Variants in KHDC1 observed in about 807,000 individuals in gnomAD.
KHDC1 encodes the protein KH homology domain-containing protein 1.
A neutral mutation model predicts 24.7 loss-of-function variants in KHDC1; 21 were observed. The observed-to-expected ratio is 0.85, with a 90% CI of 0.60 to 1.23. KHDC1 has a LOEUF of 1.23. Among genes scored for constraint, KHDC1 ranks in the 50% most tolerant of loss-of-function variants. The pLI, the probability that KHDC1 is intolerant of heterozygous loss-of-function variation, is 0.00. For missense variants in KHDC1, 274 were observed against 298.5 expected, an observed-to-expected ratio of 0.92 and a Z score of 0.61; for synonymous variants, 98 against 111.7, an observed-to-expected ratio of 0.88 and a Z score of 0.77.
At chr6:73,249,042 ATCT>A (rs1286860958) in intron 2 of KHDC1, among the ~76,000 whole-genome samples, 1 of 152,174 alleles carries the variant, frequency 6.6e-6, no homozygotes, top group African/African-American at 2.4e-5. Context: ...GAGAAAGCTA[ATCT>A]TCTAGTTAGC....
At chr6:73,291,009 G>A (rs531399261) in intron 2 of KHDC1, 11 of 380,592 alleles carry the variant, frequency 2.9e-5, no homozygotes, top group African/African-American at 2.3e-4. Context: ...CTTCTATAGA[G>A]ATCCTGAAGA....
chr6:73,247,714 G>A lies in KHDC1; in HGVS notation c.207-5184C>T, dbSNP rs562871542. On this transcript the variant is annotated intron_variant, in intron 2 of 4. Coordinates refer to ENST00000370384, the Ensembl canonical transcript of KHDC1. Reference sequence around the variant, plus strand: ...TCTACTAAAAATACAAAAATTAGCCGGGCATAGTGGCACGCATCTGTAATC... The same window carrying A: ...TCTACTAAAAATACAAAAATTAGCCAGGCATAGTGGCACGCATCTGTAATC... Among the ~76,000 whole-genome samples, 8 of 152,094 alleles carry A rather than the reference G, an allele frequency of 5.3e-5. No individual in the cohort carries two copies. The South Asian group carries it at 6.2e-4, about 12-fold the overall frequency.
intron 2 of KHDC1, among the ~76,000 whole-genome samples, chr6:73,280,556 T>C (rs1330144393): frequency 6.6e-6 from 1 of 151,068 alleles, no homozygotes; most frequent in Non-Finnish European, 1.5e-5. Flanking sequence ...TTTTCACTCT[T>C]GTTGCCCAGG....
At chr6:73,306,394 C>A (rs558966362) in intron 1 of KHDC1, among the ~76,000 whole-genome samples, 1 of 152,274 alleles carries the variant, frequency 6.6e-6, no homozygotes, top group African/African-American at 2.4e-5. Context: ...CCCATCCCAA[C>A]AAAAATTACC....
chr6:73,263,061 G>GGCGGCA (rs1767012858), intron 2 of KHDC1: 1 of 123,566 alleles, frequency 8.1e-6, no homozygotes, highest in Non-Finnish European at 1.1e-5. Context: ...CGGCGGCGGC[G>GGCGGCA]GCGGCGGCAG....
intron 2 of KHDC1, among the ~76,000 whole-genome samples, chr6:73,262,283 G>C (rs1341882749): frequency 6.6e-6 from 1 of 152,208 alleles, no homozygotes; most frequent in Non-Finnish European, 1.5e-5. Context: ...GCTTAAAAGT[G>C]TCTGGTGCAT....
At chr6:73,252,040 C>CTTTT (rs112248383) in intron 2 of KHDC1, among the ~76,000 whole-genome samples, 4 of 132,738 alleles carry the variant, frequency 3.0e-5, no homozygotes, top group African/African-American at 8.3e-5. Context: ...TAAATCATAT[C>CTTTT]TTTTTTTTTT....
At chr6:73,295,928 G>A (rs1164693747) in intron 1 of KHDC1, among the ~76,000 whole-genome samples, 2 of 151,272 alleles carry the variant, frequency 1.3e-5, no homozygotes, top group Admixed American at 6.6e-5. Context: ...GATCACCTGA[G>A]GTCAGGAGTT....
intron 2 of KHDC1, among the ~76,000 whole-genome samples, chr6:73,272,301 A>G (rs1275739346): frequency 2.0e-5 from 3 of 151,662 alleles, no homozygotes; most frequent in Non-Finnish European, 4.4e-5. Context: ...AGCTGGGACT[A>G]CAGGCACCTG....
At chr6:73,261,651 C>G (rs939984849) in intron 2 of KHDC1, among the ~76,000 whole-genome samples, 1 of 151,562 alleles carries the variant, frequency 6.6e-6, no homozygotes. Flanking sequence ...TGGTGGCTCA[C>G]GCCTGTAATC....
intron 1 of KHDC1, chr6:73,292,550 GATA>G (rs1767676409): frequency 3.9e-6 from 3 of 768,142 alleles, no homozygotes. Flanking sequence ...AGAGACCATA[GATA>G]ATAATTCTGT....
intron 2 of KHDC1, among the ~76,000 whole-genome samples, chr6:73,250,710 A>C (rs1766763763): frequency 6.6e-6 from 1 of 152,170 alleles, no homozygotes; most frequent in Admixed American, 6.5e-5. Context: ...GCAGTGTTCC[A>C]CTCTCCAAGG....
At chr6:73,289,752 G>A (rs1347161295) in intron 2 of KHDC1, among the ~76,000 whole-genome samples, 1 of 152,136 alleles carries the variant, frequency 6.6e-6, no homozygotes, top group Admixed American at 6.6e-5. Context: ...ACAAGGTCAA[G>A]AGGGAAACCA....
At chr6:73,292,067 G>C in intron 1 of KHDC1, 1 of 1,613,742 alleles carries the variant, frequency 6.2e-7, no homozygotes, top group Non-Finnish European at 8.5e-7. Flanking sequence ...TAAAGAAAAG[G>C]AATTATTACA....
intron 2 of KHDC1, among the ~76,000 whole-genome samples, chr6:73,279,575 ATTTTTTTTTTT>A (rs560281126): frequency 2.0e-5 from 2 of 98,312 alleles, no homozygotes; most frequent in Non-Finnish European, 4.0e-5. Flanking sequence ...GGGACCATGG[ATTTTTTTTTTT>A]TTTTTTTTTT....
chr6:73,256,282 A>G (rs1729974220), intron 2 of KHDC1, among the ~76,000 whole-genome samples: 1 of 152,200 alleles, frequency 6.6e-6, no homozygotes, highest in Admixed American at 6.5e-5. Flanking sequence ...GCATTATAAC[A>G]TTGAACAATT....
rs528261462 is a variant in KHDC1, at chr6:73,257,410, TG to T, written c.207-14881del. On this transcript the variant is annotated intron_variant, in intron 2 of 4. Transcript: ENST00000370384. Reference sequence around the variant, plus strand: ...TCATGGTTGGGAATTTTTGTTTGTTTGTTTATTTGTTTTGAGACGAAGTCTC... The same window carrying T: ...TCATGGTTGGGAATTTTTGTTTGTTTTTTATTTGTTTTGAGACGAAGTCTC... Among the ~76,000 whole-genome samples the T allele has an allele frequency of 9.1e-4, 139 of 152,316 alleles. 2 individuals carry two copies. The highest frequency in any genetic ancestry group is 6.1e-3 in the Admixed American group (93 of 15,296).
At chr6:73,254,871 A>G (rs1036758549) in intron 2 of KHDC1, among the ~76,000 whole-genome samples, 2 of 151,738 alleles carry the variant, frequency 1.3e-5, no homozygotes, top group African/African-American at 4.8e-5. Context: ...GTACGGTGTC[A>G]GGCGCCTTTA....
chr6:73,248,665 C>T, intron 2 of KHDC1, among the ~76,000 whole-genome samples: 1 of 152,210 alleles, frequency 6.6e-6, no homozygotes, highest in Non-Finnish European at 1.5e-5. Flanking sequence ...GCATCAGGTG[C>T]AACTTAATCT....
Sources: gnomAD v4.1 joint callset for allele counts (sites outside exome capture counted in the v4.1 genomes callset) on GRCh38, gnomAD v4.1.1 for gene constraint, MANE v1.5 for transcripts, NCBI Gene and HGNC (gene_info 2026-07-23, HGNC 2026-07-21) for gene names.